The following ALOX5AP variants were observed in gnomAD, a reference collection of about 807,000 sequenced individuals.
ALOX5AP encodes arachidonate 5-lipoxygenase activating protein.
Under a neutral mutation model 18.5 loss-of-function variants are expected in ALOX5AP, and 9 were observed. That is an observed-to-expected ratio of 0.49 (90% confidence interval 0.29 to 0.85). ALOX5AP has a LOEUF of 0.85. Ranked by LOEUF, ALOX5AP falls within the 40% of genes least tolerant of loss-of-function variation. The pLI is 0.08. For missense variants in ALOX5AP, 172 were observed against 202.5 expected (o/e 0.85, Z 0.91); for synonymous variants, 81 against 78.6 (o/e 1.03, Z -0.16).
At chr13:30,717,906 C>T (rs1213186215) in intron 1 of ALOX5AP, among the ~76,000 whole-genome samples, 4 of 151,466 alleles carry the variant, frequency 2.6e-5, no homozygotes, top group Non-Finnish European at 2.9e-5. Flanking sequence ...AGAGTCCTGC[C>T]TTGACGGGCA....
intron 1 of ALOX5AP, among the ~76,000 whole-genome samples, chr13:30,723,953 C>T (rs1951616024): frequency 6.6e-6 from 1 of 152,134 alleles, no homozygotes; most frequent in African/African-American, 2.4e-5. Flanking sequence ...GTATAAGTTA[C>T]ATACCATAAA....
intron 3 of ALOX5AP, among the ~76,000 whole-genome samples, chr13:30,754,938 G>C (rs1951880809): frequency 6.6e-6 from 1 of 152,230 alleles, no homozygotes; most frequent in African/African-American, 2.4e-5. Flanking sequence ...ACTGCGGCAG[G>C]TGAAAAGTAT....
chr13:30,755,565 G>T (rs1951886524), intron 3 of ALOX5AP, among the ~76,000 whole-genome samples: 1 of 152,180 alleles, frequency 6.6e-6, no homozygotes. Context: ...ACTGGAAGAA[G>T]AGTTGTCTTG....
At chr13:30,723,796 T>C (rs193143200) in intron 1 of ALOX5AP, among the ~76,000 whole-genome samples, 15 of 152,336 alleles carry the variant, frequency 9.8e-5, no homozygotes, top group Non-Finnish European at 1.3e-4. Context: ...GACAGGGTCT[T>C]GCTATGTTGC....
intron 1 of ALOX5AP, among the ~76,000 whole-genome samples, chr13:30,714,001 A>C (rs562156000): frequency 6.6e-5 from 10 of 151,946 alleles, no homozygotes; most frequent in Non-Finnish European, 1.5e-4. Context: ...TCTATATCAA[A>C]CTCTACCTGT....
chr13:30,736,985 G>A (rs1450498976), intron 1 of ALOX5AP, among the ~76,000 whole-genome samples: 2 of 152,196 alleles, frequency 1.3e-5, no homozygotes, highest in African/African-American at 4.8e-5. Flanking sequence ...GGATAGAGCA[G>A]GAAACAAAAC....
intron 4 of ALOX5AP, among the ~76,000 whole-genome samples, chr13:30,756,671 G>A (rs1951897131): frequency 6.6e-6 from 1 of 152,034 alleles, no homozygotes; most frequent in African/African-American, 2.4e-5. Flanking sequence ...ACATTAGCCA[G>A]GCATGGTGGT....
intron 1 of ALOX5AP, among the ~76,000 whole-genome samples, chr13:30,724,520 G>A (rs1951622072): frequency 1.3e-5 from 2 of 152,210 alleles, no homozygotes; most frequent in Admixed American, 6.5e-5. Context: ...ACATGATGGT[G>A]CTTAAAGTGG....
intron 3 of ALOX5AP, among the ~76,000 whole-genome samples, chr13:30,755,005 T>G (rs1049839529): frequency 1.3e-5 from 2 of 152,234 alleles, no homozygotes; most frequent in Non-Finnish European, 2.9e-5. Flanking sequence ...TAGATAACAC[T>G]AGTTCCAGCT....
intron 2 of ALOX5AP, among the ~76,000 whole-genome samples, chr13:30,748,221 A>T (rs1249016463): frequency 2.0e-5 from 3 of 152,168 alleles, no homozygotes; most frequent in Non-Finnish European, 4.4e-5. Flanking sequence ...TGCCTGGCCT[A>T]GACTCACTTT....
intron 1 of ALOX5AP, among the ~76,000 whole-genome samples, chr13:30,723,878 G>A (rs67746910): frequency 0.15 from 23,188 of 152,108 alleles, 1,826 homozygotes; most frequent in South Asian, 0.21. Context: ...GGGACTACAG[G>A]TGCATGCCAC....
At chr13:30,735,453 A>T, upstream of ALOX5AP, 2 of 1,290,650 alleles carry the variant, frequency 1.5e-6, no homozygotes, top group South Asian at 1.8e-5. Flanking sequence ...AAAAAAAAAA[A>T]AAAAAAGGAA....
Position 30,726,729 on chromosome 13 carries a change from G to A in ALOX5AP, c.117-8822G>A, listed in dbSNP as rs139314576. On this transcript the variant is annotated intron_variant, in intron 1 of 5. Transcript: ENST00000617770. Reference sequence around the variant, plus strand: ...TTATTATTTTTTGAGATGAGCTCTCGCCATGTTGCCCAGGCTGGTCTTGAA... The same window carrying A: ...TTATTATTTTTTGAGATGAGCTCTCACCATGTTGCCCAGGCTGGTCTTGAA... 3.7e-3 allele frequency among the ~76,000 whole-genome samples: 561 copies of A among 151,994 alleles called. 1 individual carries two copies. The highest frequency in any genetic ancestry group is 6.8e-3 in the Non-Finnish European group (460 of 67,980).
At chr13:30,724,382 C>A (rs1297463523) in intron 1 of ALOX5AP, among the ~76,000 whole-genome samples, 1 of 152,156 alleles carries the variant, frequency 6.6e-6, no homozygotes, top group Non-Finnish European at 1.5e-5. Flanking sequence ...TATTTTGAAT[C>A]CTAAAAGACT....
chr13:30,756,906 CAGAA>C (rs377149887), intron 4 of ALOX5AP, among the ~76,000 whole-genome samples: 40 of 149,760 alleles, frequency 2.7e-4, no homozygotes, highest in African/African-American at 9.8e-4. Flanking sequence ...TGTTGCCAGA[CAGAA>C]AGCCCCAAAG....
intron 1 of ALOX5AP, among the ~76,000 whole-genome samples, chr13:30,740,769 AT>A (rs1487706613): frequency 2.6e-5 from 4 of 152,154 alleles, no homozygotes; most frequent in Admixed American, 2.6e-4. Flanking sequence ...GATATTAAAG[AT>A]TCTGGAAGTG....
Position 30,713,839 on chromosome 13 carries a change from C to A in ALOX5AP, c.114C>A (p.Cys38Ter). Residue 38 changes from cysteine to a stop codon, truncating the protein, a stop_gained and splice_region_variant, in exon 1 of 6, where the codon TGC becomes TGA. Transcript: ENST00000617770. LOFTEE classifies it high-confidence loss of function. ...ACATTGGGAACATAAGCCATCAGTGCTGGTGTGTGTGTGTGTGCGCGCACA... is the reference window on the plus strand; with the variant it reads ...ACATTGGGAACATAAGCCATCAGTGATGGTGTGTGTGTGTGTGCGCGCACA... 2.8e-6 allele frequency: 4 copies of A among 1,453,114 alleles called. No homozygotes were observed. Among genetic ancestry groups the A allele is most frequent in the Non-Finnish European group, 9.0e-7 (1 of 1,106,262 alleles). The allele number at this position is 1,453,114 out of a possible 1,614,324, so 90.0% of individuals were successfully genotyped here.
chr13:30,729,254 C>T (rs570908996), intron 1 of ALOX5AP, among the ~76,000 whole-genome samples: 2 of 151,912 alleles, frequency 1.3e-5, no homozygotes, highest in East Asian at 1.9e-4. Context: ...CTTTTGGAAG[C>T]TTTATATTTT....
intron 1 of ALOX5AP, 152 bp downstream of exon 1, chr13:30,735,827 G>A: frequency 2.0e-6 from 2 of 1,012,822 alleles, no homozygotes; most frequent in Admixed American, 5.7e-5. Flanking sequence ...TGAATGTATA[G>A]GGTTGTGTGT....
Sources: allele counts gnomAD v4.1 joint callset (sites outside exome capture counted in the v4.1 genomes callset), GRCh38; gene constraint gnomAD v4.1.1; transcripts MANE v1.5; gene names NCBI Gene and HGNC (gene_info 2026-07-23, HGNC 2026-07-21).